The following SIPA1L3 variants were observed in gnomAD, a reference collection of about 807,000 sequenced individuals.
The protein encoded by SIPA1L3 is signal-induced proliferation-associated 1-like protein 3.
SIPA1L3 carries 59 observed loss-of-function variants against 150.1 expected under a neutral mutation model. The ratio of observed to expected loss-of-function variants is 0.39; its 90% CI spans 0.32 to 0.49. SIPA1L3 has a LOEUF of 0.49. Ranked by LOEUF, SIPA1L3 falls within the 20% of genes least tolerant of loss-of-function variation. SIPA1L3 has a pLI of 0.86. For synonymous variants in SIPA1L3, 1,070 were observed against 1,077.6 expected (o/e 0.99, Z 0.14); for missense variants, 2,211 against 2,489.5 (o/e 0.89, Z 2.38).
intron 1 of SIPA1L3, among the ~76,000 whole-genome samples, chr19:38,022,092 G>C (rs1031532890): frequency 6.6e-6 from 1 of 152,220 alleles, no homozygotes; most frequent in African/African-American, 2.4e-5. Flanking sequence ...CATTGTTGGT[G>C]GTTCTAGAGC....
At chr19:38,178,051 C>T (rs551346329) in intron 15 of SIPA1L3, among the ~76,000 whole-genome samples, 66 of 150,890 alleles carry the variant, frequency 4.4e-4, no homozygotes, top group African/African-American at 1.5e-3. Context: ...AGAGACCGTC[C>T]TCATACCTGC....
rs74176413 is a variant in SIPA1L3, at chr19:38,065,915, C to CTATCTATTTATTTATTTATTTATTTATT, written c.-310-15338_-310-15337insCTATTTATTTATTTATTTATTTATTTAT. ...CGGGTTTGATCTCTTATTTATTTAT[C>CTATCTATTTATTTATTTATTTATTTATT]TATTTATTTATTTATTTATTTATTT... On this transcript the variant is annotated intron_variant, in intron 2 of 21. Transcript: ENST00000222345. 9.0e-4 allele frequency among the ~76,000 whole-genome samples: 115 copies of CTATCTATTTATTTATTTATTTATTTATT among 127,698 alleles called. 3 individuals are homozygous for CTATCTATTTATTTATTTATTTATTTATT. Among genetic ancestry groups the CTATCTATTTATTTATTTATTTATTTATT allele is most frequent in the East Asian group, 5.0e-3 (22 of 4,432 alleles). 83.8% of individuals were successfully genotyped at this position (127,698 alleles called of 152,430 possible).
intron 1 of SIPA1L3, among the ~76,000 whole-genome samples, chr19:37,961,069 A>G (rs1223236599): frequency 6.6e-6 from 1 of 151,522 alleles, no homozygotes; most frequent in East Asian, 1.9e-4. Flanking sequence ...GGGTTTCACC[A>G]TCTTGGCCAG....
chr19:37,990,240 C>T (rs956170453), intron 1 of SIPA1L3, among the ~76,000 whole-genome samples: 6 of 152,280 alleles, frequency 3.9e-5, no homozygotes, highest in African/African-American at 1.4e-4. Context: ...TCACCAGCTA[C>T]CTGGGGGTAG....
At chr19:38,143,424 C>G (rs1415941664) in intron 12 of SIPA1L3, among the ~76,000 whole-genome samples, 1 of 152,044 alleles carries the variant, frequency 6.6e-6, no homozygotes, top group African/African-American at 2.4e-5. Flanking sequence ...GTCACCCACC[C>G]TCTCCTCCTT....
intron 1 of SIPA1L3, among the ~76,000 whole-genome samples, chr19:37,998,897 G>A (rs934778371): frequency 6.6e-6 from 1 of 151,912 alleles, no homozygotes; most frequent in Admixed American, 6.6e-5. Context: ...TTTGAATCTA[G>A]GTTTGGGTAC....
Position 38,047,718 on chromosome 19 carries a change from C to T in SIPA1L3, c.-311+18562C>T, listed in dbSNP as rs7249463. On this transcript the variant is annotated intron_variant, in intron 2 of 21. Transcript: ENST00000222345. The surrounding 1 kb of genome is among the most constrained non-coding windows in gnomAD (Gnocchi z 4.7). Reference sequence around the variant, plus strand: ...TGATGCTGACGGAGGGATGTGACACCGCAGCCAGCCAGGTCTCCTCATGGA... The same window carrying T: ...TGATGCTGACGGAGGGATGTGACACTGCAGCCAGCCAGGTCTCCTCATGGA... Among the ~76,000 whole-genome samples, 2,522 of 152,232 alleles carry T rather than the reference C, an allele frequency of 0.017. 64 individuals are homozygous for T. Among genetic ancestry groups the T allele is most frequent in the African/African-American group, 0.058 (2,394 of 41,510 alleles).
intron 2 of SIPA1L3, among the ~76,000 whole-genome samples, chr19:38,067,903 A>G (rs1969632389): frequency 6.6e-6 from 1 of 152,158 alleles, no homozygotes; most frequent in Admixed American, 6.5e-5. Context: ...CCATGGCACT[A>G]GCTAATGAGA....
At chr19:37,973,084 G>C (rs768068761) in intron 1 of SIPA1L3, among the ~76,000 whole-genome samples, 6 of 151,798 alleles carry the variant, frequency 4.0e-5, no homozygotes, top group Middle Eastern at 3.4e-3. Context: ...GGGGAGGATA[G>C]GTATTGGGGG....
At chr19:38,029,895 C>A (rs948894093) in intron 2 of SIPA1L3, among the ~76,000 whole-genome samples, 3 of 149,642 alleles carry the variant, frequency 2.0e-5, no homozygotes, top group African/African-American at 7.4e-5. Flanking sequence ...CACTCTGTCA[C>A]CCAGGCTGGA....
At chr19:38,167,716 C>G (rs927138094) in intron 15 of SIPA1L3, among the ~76,000 whole-genome samples, 2 of 152,116 alleles carry the variant, frequency 1.3e-5, no homozygotes, top group East Asian at 3.8e-4. Flanking sequence ...GTGTGTGCCC[C>G]CATGCCCAGC....
intron 10 of SIPA1L3, among the ~76,000 whole-genome samples, chr19:38,135,497 CCA>C (rs1383420926): frequency 6.6e-6 from 1 of 152,220 alleles, no homozygotes; most frequent in Non-Finnish European, 1.5e-5. Context: ...GCACCCCTCT[CCA>C]CACACTCCCA....
chr19:38,095,572 G>C (rs1365760383), intron 4 of SIPA1L3, among the ~76,000 whole-genome samples: 1 of 152,208 alleles, frequency 6.6e-6, no homozygotes, highest in African/African-American at 2.4e-5. Context: ...GATGCCAGAT[G>C]TTTTCAGGCT....
chr19:38,104,078 T>G (rs957056652), intron 6 of SIPA1L3, among the ~76,000 whole-genome samples: 2 of 151,370 alleles, frequency 1.3e-5, no homozygotes, highest in Admixed American at 1.3e-4. Context: ...CAGCTGGGAG[T>G]GAGAAGGCCC....
intron 18 of SIPA1L3, among the ~76,000 whole-genome samples, chr19:38,197,956 C>G (rs73627689): frequency 6.6e-6 from 1 of 150,844 alleles, no homozygotes; most frequent in Non-Finnish European, 1.5e-5. Context: ...ACAGTCGTCA[C>G]TGGGACCCAC....
rs1303316688 is a variant in SIPA1L3, at chr19:38,071,949, G to A, written c.-310-9307G>A. 2.0e-5 allele frequency among the ~76,000 whole-genome samples: 3 copies of A among 152,252 alleles called. No homozygotes were observed. The East Asian group carries it at 5.8e-4, about 29-fold the overall frequency. On this transcript the variant is annotated intron_variant, in intron 2 of 21. Coordinates refer to ENST00000222345, the MANE Select transcript of SIPA1L3 (RefSeq NM_015073.3). ...GTTGCAGTGCATGTGAGATGTGTAA[G>A]TGGTGATGTCAAGTAATCAGGTGGG...
chr19:38,177,084 G>A (rs757472009), intron 15 of SIPA1L3, among the ~76,000 whole-genome samples: 58 of 152,076 alleles, frequency 3.8e-4, no homozygotes, highest in Non-Finnish European at 5.6e-4. Flanking sequence ...TAGCTGGGCC[G>A]GGCGCGGTGG....
At chr19:37,986,374 T>C (rs903636159) in intron 1 of SIPA1L3, among the ~76,000 whole-genome samples, 2 of 152,238 alleles carry the variant, frequency 1.3e-5, no homozygotes, top group Non-Finnish European at 1.5e-5. Flanking sequence ...TTCTCTTTCC[T>C]CTAGTTTCTT....
intron 13 of SIPA1L3, 29 bp downstream of exon 13, chr19:38,152,996 C>A: frequency 6.2e-7 from 1 of 1,605,808 alleles, no homozygotes; most frequent in South Asian, 1.1e-5. Context: ...GCTGCGCCCA[C>A]CCGCCTGCCT....
Sources: allele counts gnomAD v4.1 joint callset (sites outside exome capture counted in the v4.1 genomes callset), GRCh38; gene constraint gnomAD v4.1.1; non-coding constraint Gnocchi (gnomAD v3.1); transcripts MANE v1.5; gene names NCBI Gene and HGNC (gene_info 2026-07-23, HGNC 2026-07-21).